Variants in RPS6KA5 observed in about 807,000 individuals in gnomAD.
The protein encoded by RPS6KA5 is ribosomal protein S6 kinase alpha-5.
RPS6KA5 carries 27 observed loss-of-function variants against 85.5 expected under a neutral mutation model. The observed-to-expected ratio is 0.32, with a 90% CI of 0.23 to 0.44. The LOEUF is 0.44. Among genes scored for constraint, RPS6KA5 ranks in the 20% least tolerant of loss-of-function variants. The pLI is 1.00. For synonymous variants in RPS6KA5, 334 were observed against 348.2 expected, an observed-to-expected ratio of 0.96 and a Z score of 0.46; for missense variants, 811 against 980.9, an observed-to-expected ratio of 0.83 and a Z score of 2.31.
intron 14 of RPS6KA5, among the ~76,000 whole-genome samples, chr14:90,876,374 TTTTTA>T (rs1476713218): frequency 1.3e-5 from 2 of 152,142 alleles, no homozygotes; most frequent in Non-Finnish European, 2.9e-5. Flanking sequence ...ATTACCCCTG[TTTTTA>T]TTTTATTTTT....
At chr14:90,956,132 T>G (rs1315200245) in intron 3 of RPS6KA5, among the ~76,000 whole-genome samples, 2 of 152,216 alleles carry the variant, frequency 1.3e-5, no homozygotes, top group African/African-American at 4.8e-5. Flanking sequence ...CATGCAAATA[T>G]TATCCCATTT....
At chr14:90,899,875 CTAGA>C (rs1434319972) in intron 11 of RPS6KA5, among the ~76,000 whole-genome samples, 4 of 152,128 alleles carry the variant, frequency 2.6e-5, no homozygotes, top group Admixed American at 1.3e-4. Flanking sequence ...GACGTTTTCT[CTAGA>C]TAAACTCAAA....
At chr14:90,963,164 T>C (rs1482619905) in intron 3 of RPS6KA5, among the ~76,000 whole-genome samples, 1 of 152,216 alleles carries the variant, frequency 6.6e-6, no homozygotes, top group African/African-American at 2.4e-5. Context: ...ACCTGATATT[T>C]TGTGGACTAA....
chr14:91,031,829 ACAGG>A (rs1348577364), intron 1 of RPS6KA5, among the ~76,000 whole-genome samples: 2 of 152,198 alleles, frequency 1.3e-5, no homozygotes, highest in Non-Finnish European at 2.9e-5. Context: ...CATTAAGTAG[ACAGG>A]CAGGGAAATA....
chr14:90,933,140 A>G (rs2140324993), intron 5 of RPS6KA5, among the ~76,000 whole-genome samples: 1 of 152,318 alleles, frequency 6.6e-6, no homozygotes, highest in South Asian at 2.1e-4. Context: ...AGCATTTGAC[A>G]CAGTTAATCA....
At chr14:90,894,847 C>G (rs756516170) in intron 12 of RPS6KA5, among the ~76,000 whole-genome samples, 35 of 152,088 alleles carry the variant, frequency 2.3e-4, no homozygotes, top group Non-Finnish European at 4.3e-4. Context: ...TGAATTCTTT[C>G]ATTTGCAGTG....
At chr14:90,902,364 G>A (rs528469747) in intron 9 of RPS6KA5, among the ~76,000 whole-genome samples, 1 of 151,914 alleles carries the variant, frequency 6.6e-6, no homozygotes, top group South Asian at 2.1e-4. Flanking sequence ...TTGCACCTGT[G>A]GTCTCAGCTA....
intron 7 of RPS6KA5, among the ~76,000 whole-genome samples, chr14:90,913,997 T>C (rs952261889): frequency 5.5e-4 from 84 of 152,268 alleles, no homozygotes; most frequent in African/African-American, 1.9e-3. Flanking sequence ...CATGAGTACA[T>C]GAGAAACAGC....
chr14:90,983,112 CA>C (rs71117392), intron 2 of RPS6KA5, among the ~76,000 whole-genome samples: 93,089 of 137,210 alleles, frequency 0.68, 31,622 homozygotes, highest in African/African-American at 0.87. Context: ...GATTCCATCT[CA>C]AAAAAAAAAA....
intron 14 of RPS6KA5, among the ~76,000 whole-genome samples, chr14:90,882,300 T>C (rs990784752): frequency 6.6e-6 from 1 of 152,256 alleles, no homozygotes; most frequent in East Asian, 1.9e-4. Flanking sequence ...TGGTTGTTTA[T>C]GTTACAAAAC....
chr14:91,024,384 T>C (rs1228083066), intron 1 of RPS6KA5, among the ~76,000 whole-genome samples: 1 of 152,214 alleles, frequency 6.6e-6, no homozygotes, highest in Non-Finnish European at 1.5e-5. Flanking sequence ...ATTATATTCC[T>C]GTTTTTTTTC....
At chr14:91,044,293 G>GAA (rs750045283) in intron 1 of RPS6KA5, among the ~76,000 whole-genome samples, 1,741 of 65,770 alleles carry the variant, frequency 0.026, 61 homozygotes, top group African/African-American at 0.1. Flanking sequence ...GAGAGAGAGA[G>GAA]AAAGAGAGAG....
At chr14:91,044,345 A>G (rs1433574711) in intron 1 of RPS6KA5, among the ~76,000 whole-genome samples, 2 of 39,320 alleles carry the variant, frequency 5.1e-5, no homozygotes, top group South Asian at 9.0e-4. Flanking sequence ...TAGACAAAGA[A>G]AGAAAGAAAG....
At chr14:90,925,958 A>AG (rs1157667502) in intron 5 of RPS6KA5, among the ~76,000 whole-genome samples, 1 of 149,562 alleles carries the variant, frequency 6.7e-6, no homozygotes, top group African/African-American at 2.5e-5. Flanking sequence ...AAAAAAAAAA[A>AG]AAAAGAAAAG....
In RPS6KA5 at chr14:90,869,691, T is replaced by C. The variant is rs1384659443; in HGVS notation, c.*2383A>G. On this transcript the variant is annotated 3_prime_UTR_variant, in exon 17 of 17. Transcript: ENST00000614987. ...TATATTTTGTAGTGTTTATTTTTGA[T>C]GTGACCAAATGAAAGCTTTCTGAAT... 6.6e-6 allele frequency: 1 copy of C among 152,230 alleles called. No individual in the cohort carries two copies. Among genetic ancestry groups the C allele is most frequent in the Non-Finnish European group, 1.5e-5 (1 of 68,038 alleles). The allele number at this position is 152,230 out of a possible 1,614,324, so 9.4% of individuals were successfully genotyped here.
At chr14:90,894,160 T>C (rs1418330360) in intron 13 of RPS6KA5, 1 of 1,117,322 alleles carries the variant, frequency 8.9e-7, no homozygotes, top group African/African-American at 1.6e-5. Flanking sequence ...TAAAGTATTT[T>C]TTCCATAAAA....
intron 5 of RPS6KA5, among the ~76,000 whole-genome samples, chr14:90,935,881 A>C (rs949002965): frequency 1.3e-5 from 2 of 152,220 alleles, no homozygotes; most frequent in African/African-American, 4.8e-5. Context: ...AAGCATAAAC[A>C]CGTGTCCTTT....
In RPS6KA5 at chr14:90,851,991, A is replaced by G. The variant is rs560648389; in HGVS notation, c.*20083T>C. On this transcript the variant is annotated 3_prime_UTR_variant, in exon 17 of 17. Coordinates refer to ENST00000614987, the MANE Select transcript of RPS6KA5 (RefSeq NM_004755.4). ...TATATTCGTTGATCTAAAGAAATAA[A>G]CAGTATTATTCAGTAATAGTCCTAG... 6.6e-6 allele frequency: 1 copy of G among 152,170 alleles called. No individual in the cohort carries two copies. Among genetic ancestry groups the G allele is most frequent in the Admixed American group, 6.5e-5 (1 of 15,284 alleles). 9.4% of individuals were successfully genotyped at this position (152,170 alleles called of 1,614,324 possible).
At chr14:91,016,048 G>C (rs78967424) in intron 1 of RPS6KA5, among the ~76,000 whole-genome samples, 2,250 of 152,274 alleles carry the variant, frequency 0.015, 53 homozygotes, top group African/African-American at 0.051. Context: ...GAGAGCTAGA[G>C]CAGTGTGCAG....
Sources: gnomAD v4.1 joint callset for allele counts (sites outside exome capture counted in the v4.1 genomes callset) on GRCh38, gnomAD v4.1.1 for gene constraint, MANE v1.5 for transcripts, NCBI Gene and HGNC (gene_info 2026-07-23, HGNC 2026-07-21) for gene names.